The following COL24A1 variants were observed in gnomAD, a reference collection of about 807,000 sequenced individuals.
COL24A1 encodes collagen type XXIV alpha 1 chain, also known as collagen alpha-1(XXIV) chain.
Under a neutral mutation model 253.9 loss-of-function variants are expected in COL24A1, and 224 were observed. That is an observed-to-expected ratio of 0.88 (90% CI 0.79 to 0.99). The LOEUF is 0.99. COL24A1 is among the 50% of genes least tolerant of loss of function. The pLI is 0.00. For synonymous variants in COL24A1, 685 were observed against 673.7 expected (o/e 1.02, Z -0.26); for missense variants, 2,131 against 2,068.5 (o/e 1.03, Z -0.59).
At chr1:85,912,491 A>C (rs1571191549) in intron 24 of COL24A1, among the ~76,000 whole-genome samples, 1 of 152,214 alleles carries the variant, frequency 6.6e-6, no homozygotes, top group Admixed American at 6.5e-5. Flanking sequence ...ATAGATTCTC[A>C]TACGATAGTA....
At chr1:85,934,812 C>T (rs1264675021) in intron 24 of COL24A1, among the ~76,000 whole-genome samples, 1 of 152,034 alleles carries the variant, frequency 6.6e-6, no homozygotes, top group Non-Finnish European at 1.5e-5. Context: ...ATATGGCCCA[C>T]AAAGCCCAAG....
At chr1:85,944,003 T>G (rs1440608113) in intron 24 of COL24A1, among the ~76,000 whole-genome samples, 1 of 152,232 alleles carries the variant, frequency 6.6e-6, no homozygotes, top group Non-Finnish European at 1.5e-5. Context: ...GTGTATATGT[T>G]AAAACATTGA....
At chr1:85,799,059 G>A (rs17128348) in intron 47 of COL24A1, among the ~76,000 whole-genome samples, 6,117 of 151,974 alleles carry the variant, frequency 0.04, 410 homozygotes, top group African/African-American at 0.14. Flanking sequence ...TAAGTTGACT[G>A]GCCTCAAAAC....
intron 37 of COL24A1, among the ~76,000 whole-genome samples, chr1:85,856,554 C>T (rs944900344): frequency 4.6e-5 from 7 of 152,048 alleles, no homozygotes; most frequent in Non-Finnish European, 1.0e-4. Context: ...GTTCTCACTC[C>T]ATCACTGACT....
intron 47 of COL24A1, among the ~76,000 whole-genome samples, chr1:85,814,471 T>C (rs1672869875): frequency 6.6e-6 from 1 of 152,238 alleles, no homozygotes; most frequent in South Asian, 2.1e-4. Context: ...GTAGAGTTGT[T>C]AGAAAACGTC....
intron 28 of COL24A1, among the ~76,000 whole-genome samples, chr1:85,901,249 G>A (rs1051631681): frequency 6.6e-6 from 1 of 152,036 alleles, no homozygotes; most frequent in Non-Finnish European, 1.5e-5. Context: ...GAAAGAACCT[G>A]AGCAGACATT....
intron 23 of COL24A1, among the ~76,000 whole-genome samples, chr1:85,963,572 A>G (rs1691272344): frequency 6.6e-6 from 1 of 152,124 alleles, no homozygotes; most frequent in African/African-American, 2.4e-5. Flanking sequence ...CAGGCCTAGA[A>G]AGAAAACACA....
intron 2 of COL24A1, among the ~76,000 whole-genome samples, chr1:86,134,243 CTTCT>C (rs1490555756): frequency 5.4e-5 from 8 of 148,578 alleles, no homozygotes; most frequent in Non-Finnish European, 9.0e-5. Context: ...TCTCTGTTTT[CTTCT>C]TTATTGGTCT....
At chr1:86,127,015 C>A (rs1395875102) in intron 2 of COL24A1, among the ~76,000 whole-genome samples, 1 of 152,074 alleles carries the variant, frequency 6.6e-6, no homozygotes, top group Non-Finnish European at 1.5e-5. Context: ...TTCCTTCTAA[C>A]CTTCTGGGAA....
intron 50 of COL24A1, among the ~76,000 whole-genome samples, 172 bp from the exon 51 acceptor site, chr1:85,783,730 A>G (rs1669374520): frequency 6.6e-6 from 1 of 152,216 alleles, no homozygotes; most frequent in Non-Finnish European, 1.5e-5. Context: ...ACTTAGAAAT[A>G]CACCAATGAA....
chr1:85,844,295 G>A (rs1214679164), intron 39 of COL24A1, among the ~76,000 whole-genome samples: 1 of 151,922 alleles, frequency 6.6e-6, no homozygotes, highest in Non-Finnish European at 1.5e-5. Context: ...TACTTAAAAA[G>A]AAAGATCCTT....
intron 7 of COL24A1, among the ~76,000 whole-genome samples, chr1:86,069,996 A>T (rs1042547807): frequency 1.3e-5 from 2 of 152,228 alleles, no homozygotes; most frequent in Non-Finnish European, 2.9e-5. Context: ...GCACGGGGCC[A>T]ATTCTTGAGA....
Position 86,125,237 on chromosome 1 carries a change from A to G in COL24A1, c.1099T>C (p.Phe367Leu), listed in dbSNP as rs1401330667. ...SEAKMNTKEK[F>L]SSLLNMSDNI... The stretch of plus-strand genomic sequence containing the variant: ...TCAGACATGTTTAGGAGAGAGCTAA[A>G]TTTCTCTTTGGTATTCATTTTTGCC... Residue 367 changes from phenylalanine to leucine, a missense_variant, in exon 3 of 60, where the codon TTT (phenylalanine) becomes CTT (leucine). Phe to Leu is a conservative substitution (Grantham distance 22). Coordinates refer to ENST00000370571, the MANE Select transcript of COL24A1 (RefSeq NM_152890.7). The G allele has an allele frequency of 6.2e-7, 1 of 1,613,524 alleles. No individual in the cohort carries two copies. Among genetic ancestry groups the G allele is most frequent in the Non-Finnish European group, 8.5e-7 (1 of 1,179,764 alleles).
chr1:85,745,833 C>T (rs6673975), intron 55 of COL24A1, among the ~76,000 whole-genome samples: 135,560 of 152,236 alleles, frequency 0.89, 61,123 homozygotes, highest in Non-Finnish European at 0.97. Flanking sequence ...ATATGATCCT[C>T]TCAGTTAATA....
intron 22 of COL24A1, among the ~76,000 whole-genome samples, chr1:85,968,398 C>T (rs1489601433): frequency 2.0e-5 from 3 of 152,044 alleles, no homozygotes; most frequent in African/African-American, 7.2e-5. Flanking sequence ...TCTCTGGCTC[C>T]CATTCTGTTT....
At chr1:85,906,259 A>G (rs1488197140) in intron 28 of COL24A1, among the ~76,000 whole-genome samples, 1 of 11,286 alleles carries the variant, frequency 8.9e-5, no homozygotes, top group African/African-American at 3.9e-4. Flanking sequence ...GGAAAACTGC[A>G]AGGTCTTTTT....
intron 24 of COL24A1, among the ~76,000 whole-genome samples, chr1:85,918,879 T>C (rs1464072614): frequency 2.0e-5 from 3 of 152,242 alleles, no homozygotes; most frequent in African/African-American, 7.2e-5. Flanking sequence ...AAATATTCAC[T>C]GCTCCTTTCT....
At chr1:85,830,974 C>G (rs910941113) in intron 43 of COL24A1, among the ~76,000 whole-genome samples, 1 of 152,090 alleles carries the variant, frequency 6.6e-6, no homozygotes, top group African/African-American at 2.4e-5. Context: ...ACAGCAAAGT[C>G]AGTTGAAGGC....
At chr1:85,994,636 A>G (rs1362157475) in intron 19 of COL24A1, among the ~76,000 whole-genome samples, 1 of 152,204 alleles carries the variant, frequency 6.6e-6, no homozygotes, top group Non-Finnish European at 1.5e-5. Flanking sequence ...AATAAAAAAG[A>G]AAAACATTAA....
Sources: allele counts gnomAD v4.1 joint callset (sites outside exome capture counted in the v4.1 genomes callset), GRCh38; gene constraint gnomAD v4.1.1; transcripts MANE v1.5; gene names NCBI Gene and HGNC (gene_info 2026-07-23, HGNC 2026-07-21).